HMGCLL1: variants seen among roughly 807,000 people sequenced by gnomAD.
The protein encoded by HMGCLL1 is 3-hydroxy-3-methylglutaryl-CoA lyase like 1.
Under a neutral mutation model 39.1 loss-of-function variants are expected in HMGCLL1, and 36 were observed. That is an observed-to-expected ratio of 0.92 (90% confidence interval 0.71 to 1.22). The LOEUF (loss-of-function observed/expected upper bound fraction) is 1.22. HMGCLL1 is among the 50% of genes most tolerant of loss of function. The probability of loss-of-function intolerance (pLI) is 0.00; values close to 1 mark genes in which losing one functional copy is unlikely to be tolerated. For synonymous variants in HMGCLL1, 149 were observed against 144.0 expected, an observed-to-expected ratio of 1.03 and a Z score of -0.25; for missense variants, 451 against 416.5, an observed-to-expected ratio of 1.08 and a Z score of -0.72.
At chr6:55,444,192 T>G (rs1051827784) in intron 7 of HMGCLL1, among the ~76,000 whole-genome samples, 5 of 152,116 alleles carry the variant, frequency 3.3e-5, no homozygotes, top group African/African-American at 1.2e-4. Flanking sequence ...TGAGTAGGAA[T>G]ATACAGTTAA....
chr6:55,531,084 G>A (rs1286104353), intron 3 of HMGCLL1, among the ~76,000 whole-genome samples: 1 of 152,108 alleles, frequency 6.6e-6, no homozygotes, highest in East Asian at 1.9e-4. Flanking sequence ...GTTTAAACCA[G>A]GTTTTGAGTA....
chr6:55,600,970 A>C, the HMGCLL1 span, among the ~76,000 whole-genome samples: 10 of 152,200 alleles, frequency 6.6e-5, no homozygotes, highest in Non-Finnish European at 7.3e-5. Flanking sequence ...ATAGTTTAAG[A>C]AAGAGGTATG....
At chr6:55,486,058 G>A (rs562486817) in intron 7 of HMGCLL1, among the ~76,000 whole-genome samples, 25 of 149,832 alleles carry the variant, frequency 1.7e-4, no homozygotes, top group Non-Finnish European at 3.1e-4. Context: ...GTTAAGGGTA[G>A]GCTATGTCGG....
chr6:55,566,530 C>T lies in HMGCLL1; in HGVS notation c.108+12418G>A, dbSNP rs570864792. 461 of 447,582 alleles carry T rather than the reference C, an allele frequency of 1.0e-3. 1 individual carries two copies. Among genetic ancestry groups the T allele is most frequent in the Non-Finnish European group, 1.8e-3 (411 of 222,966 alleles). The allele number at this position is 447,582 out of a possible 1,614,324, so 27.7% of individuals were successfully genotyped here. On this transcript the variant is annotated intron_variant, in intron 1 of 8. Transcript: ENST00000274901. ...ATTGGTGGAAAAAAGAGCCCGAACA[C>T]TGAATCCTAAACCGGAGACCATAGC... is the stretch of plus-strand genomic sequence containing the variant.
intron 7 of HMGCLL1, among the ~76,000 whole-genome samples, chr6:55,444,032 T>A (rs1274702453): frequency 6.6e-6 from 1 of 152,154 alleles, no homozygotes; most frequent in Non-Finnish European, 1.5e-5. Flanking sequence ...ATAAATTTCT[T>A]GAACTGAGTT....
chr6:55,563,785 G>T, intron 1 of HMGCLL1: 1 of 866,790 alleles, frequency 1.2e-6, no homozygotes, highest in Non-Finnish European at 1.6e-6. Flanking sequence ...CTTTCAAACA[G>T]TTTGAGAAGT....
At chr6:55,532,967 T>C (rs1768776126) in intron 3 of HMGCLL1, among the ~76,000 whole-genome samples, 2 of 151,550 alleles carry the variant, frequency 1.3e-5, no homozygotes, top group South Asian at 2.1e-4. Context: ...GTTTCTCCTA[T>C]GTGGTAACAG....
intron 1 of HMGCLL1, among the ~76,000 whole-genome samples, chr6:55,543,513 A>G (rs185858830): frequency 0.044 from 3,913 of 89,408 alleles, 130 homozygotes; most frequent in African/African-American, 0.089. Flanking sequence ...TATCATATAT[A>G]ATATATATAT....
intron 7 of HMGCLL1, among the ~76,000 whole-genome samples, chr6:55,473,419 A>G (rs1765132314): frequency 6.6e-6 from 1 of 151,218 alleles, no homozygotes; most frequent in African/African-American, 2.4e-5. Context: ...ATTTTTAGTG[A>G]TTTATCTACA....
At chr6:55,660,078 G>A in the HMGCLL1 span, among the ~76,000 whole-genome samples, 10 of 151,760 alleles carry the variant, frequency 6.6e-5, no homozygotes, top group Non-Finnish European at 1.0e-4. Flanking sequence ...TAGGGAGGGA[G>A]TCAACTCAAT....
chr6:55,628,685 T>G, the HMGCLL1 span, among the ~76,000 whole-genome samples: 2 of 152,028 alleles, frequency 1.3e-5, no homozygotes, highest in Non-Finnish European at 2.9e-5. Flanking sequence ...AATCTCATCT[T>G]GAATTCCCAC....
chr6:55,566,674 A>G (rs1771234178), intron 1 of HMGCLL1: 1 of 454,934 alleles, frequency 2.2e-6, no homozygotes, highest in Non-Finnish European at 4.4e-6. Context: ...CACTGTGTGA[A>G]TTAACTTAAT....
chr6:55,451,772 T>C (rs1403845646), intron 7 of HMGCLL1, among the ~76,000 whole-genome samples: 4 of 152,182 alleles, frequency 2.6e-5, no homozygotes, highest in African/African-American at 9.7e-5. Flanking sequence ...TAAGTTTTTT[T>C]AAGTGTATTA....
intron 7 of HMGCLL1, among the ~76,000 whole-genome samples, chr6:55,453,475 T>A (rs1478327885): frequency 6.6e-6 from 1 of 152,162 alleles, no homozygotes; most frequent in Non-Finnish European, 1.5e-5. Flanking sequence ...AAGATTTTAA[T>A]GAGATGTTTA....
chr6:55,642,461 A>T, the HMGCLL1 span, among the ~76,000 whole-genome samples: 2 of 151,912 alleles, frequency 1.3e-5, no homozygotes, highest in African/African-American at 4.8e-5. Context: ...GGCTGCTTTT[A>T]AAAAAAATTT....
At chr6:55,442,442 T>G (rs933951262) in intron 7 of HMGCLL1, among the ~76,000 whole-genome samples, 1 of 152,154 alleles carries the variant, frequency 6.6e-6, no homozygotes, top group Non-Finnish European at 1.5e-5. Context: ...ATTTGGCCAT[T>G]GGGAGCTCTC....
the HMGCLL1 span, among the ~76,000 whole-genome samples, chr6:55,594,630 C>G: frequency 3.3e-5 from 5 of 152,132 alleles, no homozygotes; most frequent in Non-Finnish European, 7.3e-5. Context: ...AAGTAGAGCA[C>G]GCAGGGTGCT....
At chr6:55,624,919 C>A in the HMGCLL1 span, among the ~76,000 whole-genome samples, 3 of 152,066 alleles carry the variant, frequency 2.0e-5, no homozygotes, top group East Asian at 3.9e-4. Context: ...TGAAAGGCTG[C>A]CAATTTTTAA....
upstream of HMGCLL1, among the ~76,000 whole-genome samples, chr6:55,580,777 C>G (rs545294442): frequency 3.3e-5 from 5 of 152,140 alleles, no homozygotes; most frequent in African/African-American, 9.6e-5. Context: ...TTCCTGGATG[C>G]GCTTAAAACT....
Sources: allele counts gnomAD v4.1 joint callset (sites outside exome capture counted in the v4.1 genomes callset), GRCh38; gene constraint gnomAD v4.1.1; transcripts MANE v1.5; gene names NCBI Gene and HGNC (gene_info 2026-07-23, HGNC 2026-07-21).